Variants in NRXN1 observed in about 807,000 individuals in gnomAD.
NRXN1 encodes neurexin-1.
A neutral mutation model predicts 150.9 loss-of-function variants in NRXN1; 39 were observed. That is an observed-to-expected ratio of 0.26 (90% CI 0.20 to 0.34). The LOEUF is 0.34. NRXN1 is among the 10% of genes least tolerant of loss of function. The probability of loss-of-function intolerance (pLI) is 1.00; values close to 1 mark genes in which losing one functional copy is unlikely to be tolerated. For synonymous variants in NRXN1, 924 were observed against 757.0 expected (o/e 1.22, Z -3.62); for missense variants, 1,815 against 1,949.9 (o/e 0.93, Z 1.30).
At chr2:50,929,339 T>C (rs1687389647) in intron 2 of NRXN1, among the ~76,000 whole-genome samples, 1 of 152,112 alleles carries the variant, frequency 6.6e-6, no homozygotes, top group African/African-American at 2.4e-5. Flanking sequence ...CCTTTCTGTA[T>C]AATCAGTGCT....
At chr2:50,544,684 A>G (rs951312601) in intron 9 of NRXN1, among the ~76,000 whole-genome samples, 1 of 152,176 alleles carries the variant, frequency 6.6e-6, no homozygotes, top group African/African-American at 2.4e-5. Context: ...TTAGTAAACT[A>G]ACCTGTCATT....
At chr2:50,660,237 G>A (rs928353885) in intron 5 of NRXN1, among the ~76,000 whole-genome samples, 1 of 152,014 alleles carries the variant, frequency 6.6e-6, no homozygotes, top group African/African-American at 2.4e-5. Flanking sequence ...GGAAATAGAT[G>A]CATTGAGAAG....
intron 8 of NRXN1, among the ~76,000 whole-genome samples, chr2:50,576,629 C>A (rs886948918): frequency 1.6e-4 from 24 of 152,070 alleles, no homozygotes; most frequent in African/African-American, 5.3e-4. Flanking sequence ...ACATACATAC[C>A]CCTCTTGAAA....
intron 5 of NRXN1, among the ~76,000 whole-genome samples, chr2:50,823,580 C>T (rs1446743794): frequency 6.6e-6 from 1 of 152,030 alleles, no homozygotes; most frequent in Non-Finnish European, 1.5e-5. Flanking sequence ...CTCAACTAGA[C>T]TGAAGAATTA....
intron 5 of NRXN1, among the ~76,000 whole-genome samples, chr2:50,690,385 T>C (rs1170020655): frequency 6.6e-6 from 1 of 152,210 alleles, no homozygotes; most frequent in African/African-American, 2.4e-5. Context: ...ACGCAGACCT[T>C]TGAAATTGTG....
chr2:50,427,935 G>A (rs1558713899), intron 17 of NRXN1, among the ~76,000 whole-genome samples: 1 of 152,106 alleles, frequency 6.6e-6, no homozygotes, highest in South Asian at 2.1e-4. Flanking sequence ...CTGAAAAATG[G>A]ATACAAAGAC....
chr2:50,265,479 C>T (rs1043612972), intron 17 of NRXN1, among the ~76,000 whole-genome samples: 1 of 152,136 alleles, frequency 6.6e-6, no homozygotes, highest in Non-Finnish European at 1.5e-5. Context: ...AAAAGTGCTA[C>T]TGTGATTACA....
chr2:50,644,271 G>T (rs1054579381), intron 5 of NRXN1, among the ~76,000 whole-genome samples: 4 of 151,518 alleles, frequency 2.6e-5, no homozygotes, highest in Admixed American at 2.0e-4. Flanking sequence ...CCCTGATTAT[G>T]TTAGGTAACT....
chr2:50,856,562 TC>T (rs1675299725), intron 5 of NRXN1, among the ~76,000 whole-genome samples: 1 of 152,084 alleles, frequency 6.6e-6, no homozygotes, highest in South Asian at 2.1e-4. Context: ...TAAGATTTAT[TC>T]TAGGTTTATC....
intron 17 of NRXN1, among the ~76,000 whole-genome samples, chr2:50,261,226 A>G (rs1199438453): frequency 1.3e-5 from 2 of 151,782 alleles, no homozygotes; most frequent in Non-Finnish European, 3.0e-5. Flanking sequence ...GGGAAGTAAC[A>G]TACACATTAC....
intron 2 of NRXN1, among the ~76,000 whole-genome samples, chr2:50,941,696 C>T (rs1056922109): frequency 6.6e-6 from 1 of 151,978 alleles, no homozygotes; most frequent in East Asian, 1.9e-4. Flanking sequence ...TGGCTTTTTC[C>T]GAAAGTGTAC....
chr2:50,398,799 T>A (rs1346849483), intron 17 of NRXN1, among the ~76,000 whole-genome samples: 1 of 152,144 alleles, frequency 6.6e-6, no homozygotes, highest in African/African-American at 2.4e-5. Context: ...TTTCTAGAGT[T>A]CCACTATATC....
At chr2:50,286,684 G>T (rs2072227026) in intron 17 of NRXN1, among the ~76,000 whole-genome samples, 1 of 152,000 alleles carries the variant, frequency 6.6e-6, no homozygotes, top group South Asian at 2.1e-4. Flanking sequence ...AAAAATCTCT[G>T]ACATCCTATT....
At chr2:50,473,973 T>C (rs2089750571) in intron 15 of NRXN1, among the ~76,000 whole-genome samples, 1 of 152,142 alleles carries the variant, frequency 6.6e-6, no homozygotes, top group Middle Eastern at 3.4e-3. Context: ...ACTTAGGTCC[T>C]TGACCTAACT....
intron 5 of NRXN1, among the ~76,000 whole-genome samples, chr2:50,813,401 G>C (rs1202278975): frequency 7.2e-5 from 11 of 151,744 alleles, no homozygotes; most frequent in African/African-American, 2.7e-4. Context: ...TTTTCAATCA[G>C]TTTCTAGCTT....
rs557716871 is a variant in NRXN1 at position 50,763,505 on chromosome 2, AATT to A, written c.833-139893_833-139891del. Among the ~76,000 whole-genome samples, 94 of 151,124 alleles carry A rather than the reference AATT, an allele frequency of 6.2e-4. 2 individuals carry two copies. The highest frequency in any genetic ancestry group is 1.5e-3 in the Admixed American group (22 of 15,152). On this transcript the variant is annotated intron_variant, in intron 5 of 22. Transcript: ENST00000401669. ...AGTTTCTCTTCTTCCCCCTCCTTCA[AATT>A]ATTATTATTATTATTATTATGCTAG... is the stretch of plus-strand genomic sequence containing the variant.
chr2:50,126,491 A>T (rs891848093), intron 18 of NRXN1, among the ~76,000 whole-genome samples: 1 of 140,850 alleles, frequency 7.1e-6, no homozygotes, highest in Non-Finnish European at 1.6e-5. Context: ...TTTCCTATGG[A>T]TTTACAAAAA....
intron 5 of NRXN1, among the ~76,000 whole-genome samples, chr2:50,774,234 C>T (rs1220066149): frequency 6.6e-6 from 1 of 152,042 alleles, no homozygotes; most frequent in Non-Finnish European, 1.5e-5. Context: ...AAGCGACATT[C>T]CTTTTTAAAA....
intron 5 of NRXN1, among the ~76,000 whole-genome samples, chr2:50,820,264 C>T (rs1669532471): frequency 6.6e-6 from 1 of 152,058 alleles, no homozygotes; most frequent in Admixed American, 6.6e-5. Flanking sequence ...CTGATAGTGT[C>T]TATCTTTATT....
Sources: gnomAD v4.1 joint callset for allele counts (sites outside exome capture counted in the v4.1 genomes callset) on GRCh38, gnomAD v4.1.1 for gene constraint, MANE v1.5 for transcripts, NCBI Gene and HGNC (gene_info 2026-07-23, HGNC 2026-07-21) for gene names.